KIF16B: variants seen among roughly 807,000 people sequenced by gnomAD.
KIF16B encodes kinesin-like protein KIF16B.
Under a neutral mutation model 156.3 loss-of-function variants are expected in KIF16B, and 98 were observed. That is an observed-to-expected ratio of 0.63 (90% CI 0.53 to 0.74). The LOEUF is 0.74. KIF16B is among the 30% of genes least tolerant of loss of function. The probability of loss-of-function intolerance (pLI) is 0.00; values close to 1 mark genes in which losing one functional copy is unlikely to be tolerated. For missense variants in KIF16B, 1,421 were observed against 1,606.5 expected, an observed-to-expected ratio of 0.88 and a Z score of 1.97; for synonymous variants, 564 against 583.7, an observed-to-expected ratio of 0.97 and a Z score of 0.49.
chr20:16,558,021 A>AG (rs1168454872), intron 1 of KIF16B, among the ~76,000 whole-genome samples: 2 of 152,162 alleles, frequency 1.3e-5, no homozygotes, highest in South Asian at 2.1e-4. Flanking sequence ...GGAAAAATAG[A>AG]GGGGGGACAG....
At chr20:16,345,177 C>A (rs1164661126) in intron 23 of KIF16B, among the ~76,000 whole-genome samples, 2 of 152,210 alleles carry the variant, frequency 1.3e-5, no homozygotes, top group African/African-American at 4.8e-5. Flanking sequence ...CTCCATGAGC[C>A]CATTGGCTCC....
intron 18 of KIF16B, 114 bp from the exon 19 acceptor site, chr20:16,380,277 TA>T (rs886450612): frequency 2.6e-5 from 25 of 952,660 alleles, no homozygotes; most frequent in South Asian, 1.2e-4. Flanking sequence ...TCCATTAAAA[TA>T]AAAAAAAGAA....
At chr20:16,545,590 G>A (rs996868759) in intron 1 of KIF16B, among the ~76,000 whole-genome samples, 3 of 152,118 alleles carry the variant, frequency 2.0e-5, no homozygotes, top group Admixed American at 6.5e-5. Flanking sequence ...GCTTAAACCC[G>A]GGAGGCAGAG....
At chr20:16,279,598 G>C (rs1018178704) in intron 25 of KIF16B, among the ~76,000 whole-genome samples, 3 of 152,108 alleles carry the variant, frequency 2.0e-5, no homozygotes, top group Non-Finnish European at 4.4e-5. Context: ...GCTAGTCTAT[G>C]CTAAGATGGA....
At position 16,365,656 on chromosome 20, in the gene KIF16B, A is replaced by T. The variant is rs569236841; in HGVS notation, c.3498+4930T>A. On this transcript the variant is annotated intron_variant, in intron 22 of 25. Coordinates refer to ENST00000354981, the MANE Select transcript of KIF16B (RefSeq NM_024704.5). ...AGCTTGTCATTTCCTCCGTCAGGGG[A>T]AAGAGGGAAGATGAGCAGTTCCTGG... Among the ~76,000 whole-genome samples the T allele has an allele frequency of 3.3e-5, 5 of 152,296 alleles. No individual in the cohort carries two copies. The South Asian group carries it at 1.0e-3, about 32-fold the overall frequency.
chr20:16,481,592 G>C (rs1358470387), intron 12 of KIF16B, among the ~76,000 whole-genome samples: 2 of 152,196 alleles, frequency 1.3e-5, no homozygotes, highest in African/African-American at 4.8e-5. Flanking sequence ...TCTGTTGCTT[G>C]ACTTCCATCA....
Position 16,310,184 on chromosome 20 carries a change from G to A in KIF16B, c.3795+2151C>T, listed in dbSNP as rs76012574. Among the ~76,000 whole-genome samples the A allele has an allele frequency of 4.7e-3, 715 of 152,336 alleles. 2 individuals are homozygous for A. The highest frequency in any genetic ancestry group is 6.8e-3 in the Non-Finnish European group (464 of 68,026). ...GTGCTTATTTCCATAAGGTGTGGAAGCTGTTCTCTAGAGGATAATGCCACA... is the reference window on the plus strand; with the variant it reads ...GTGCTTATTTCCATAAGGTGTGGAAACTGTTCTCTAGAGGATAATGCCACA... On this transcript the variant is annotated intron_variant, in intron 25 of 25. Transcript: ENST00000354981.
intron 12 of KIF16B, among the ~76,000 whole-genome samples, chr20:16,477,502 T>C (rs2067853731): frequency 6.6e-6 from 1 of 152,168 alleles, no homozygotes; most frequent in Admixed American, 6.5e-5. Flanking sequence ...CTAAATCACA[T>C]CCACTATGAC....
At chr20:16,537,669 C>T (rs111722393) in intron 1 of KIF16B, among the ~76,000 whole-genome samples, 2 of 151,496 alleles carry the variant, frequency 1.3e-5, no homozygotes, top group Non-Finnish European at 2.9e-5. Flanking sequence ...TCCCACTTCC[C>T]ACCCACATGT....
Position 16,380,080 on chromosome 20 carries a change from C to T in KIF16B, c.1922G>A (p.Arg641His), listed in dbSNP as rs747897403. ...ERMQQEVETQRKETEIVQLQI... is the reference protein window; with the variant it reads ...ERMQQEVETQHKETEIVQLQI... ...GAGCTGCACGATTTCTGTCTCCTTGCGCTGGGTCTCCACCTCCTGCTGCAT... is the reference window on the plus strand; with the variant it reads ...GAGCTGCACGATTTCTGTCTCCTTGTGCTGGGTCTCCACCTCCTGCTGCAT... Residue 641 changes from arginine (R) to histidine (H), a missense_variant, in exon 19 of 26, where the codon CGC becomes CAC. Transcript: ENST00000354981. 3.3e-5 allele frequency: 51 copies of T among 1,541,964 alleles called. No homozygotes were observed. The highest frequency in any genetic ancestry group is 3.9e-5 in the Non-Finnish European group (45 of 1,149,574).
At chr20:16,458,763 A>AAC (rs370079011) in intron 12 of KIF16B, among the ~76,000 whole-genome samples, 36 of 150,640 alleles carry the variant, frequency 2.4e-4, no homozygotes, top group African/African-American at 5.3e-4. Context: ...CACACATATA[A>AAC]ACACACACAC....
intron 25 of KIF16B, among the ~76,000 whole-genome samples, chr20:16,288,612 G>C (rs111546861): frequency 2.1e-5 from 3 of 146,192 alleles, no homozygotes; most frequent in Admixed American, 6.8e-5. Context: ...ATAAGTGGAA[G>C]AGCATCTGTA....
intron 23 of KIF16B, among the ~76,000 whole-genome samples, chr20:16,355,426 C>T (rs1256501025): frequency 6.6e-6 from 1 of 152,202 alleles, no homozygotes; most frequent in Non-Finnish European, 1.5e-5. Flanking sequence ...TATGGCTGCT[C>T]AGCAAATTGC....
chr20:16,550,746 G>T (rs1291929524), intron 1 of KIF16B, among the ~76,000 whole-genome samples: 1 of 151,686 alleles, frequency 6.6e-6, no homozygotes, highest in Non-Finnish European at 1.5e-5. Flanking sequence ...CATTGCTCAG[G>T]CTGGACTCAA....
intron 22 of KIF16B, chr20:16,368,552 G>T: frequency 1.0e-6 from 1 of 985,988 alleles, no homozygotes; most frequent in Non-Finnish European, 1.2e-6. Flanking sequence ...TGAAGCAGGT[G>T]ACTGCTGGTA....
intron 12 of KIF16B, among the ~76,000 whole-genome samples, chr20:16,475,948 C>T (rs1035405792): frequency 6.6e-6 from 1 of 152,212 alleles, no homozygotes; most frequent in Non-Finnish European, 1.5e-5. Context: ...AAACTAGCTA[C>T]AAGAAGACAT....
intron 24 of KIF16B, among the ~76,000 whole-genome samples, chr20:16,325,375 C>T (rs992587229): frequency 1.0e-3 from 5 of 4,902 alleles, no homozygotes; most frequent in South Asian, 0.024. Context: ...TCACTGTTCA[C>T]GAGATATAAT....
chr20:16,498,169 C>A (rs574731197), intron 10 of KIF16B, among the ~76,000 whole-genome samples: 1 of 152,238 alleles, frequency 6.6e-6, no homozygotes, highest in Admixed American at 6.5e-5. Flanking sequence ...ATTTCCTTAT[C>A]CCTGTCGAAG....
At chr20:16,306,660 T>C (rs1352909490) in intron 25 of KIF16B, among the ~76,000 whole-genome samples, 2 of 152,128 alleles carry the variant, frequency 1.3e-5, no homozygotes, top group Non-Finnish European at 2.9e-5. Flanking sequence ...CATTTCACGA[T>C]TGCTGGGGAG....
Sources: allele counts gnomAD v4.1 joint callset (sites outside exome capture counted in the v4.1 genomes callset), GRCh38; gene constraint gnomAD v4.1.1; transcripts MANE v1.5; gene names NCBI Gene and HGNC (gene_info 2026-07-23, HGNC 2026-07-21).